The following KYAT3 variants were observed in gnomAD, a reference collection of about 807,000 sequenced individuals.
KYAT3 encodes kynurenine--oxoglutarate transaminase 3.
A neutral mutation model predicts 59.0 loss-of-function variants in KYAT3; 50 were observed. That is an observed-to-expected ratio of 0.85 (90% confidence interval 0.68 to 1.07). The LOEUF is 1.07. Among genes scored for constraint, KYAT3 ranks in the 50% least tolerant of loss-of-function variants. KYAT3 has a pLI of 0.00. For synonymous variants in KYAT3, 148 were observed against 177.0 expected, an observed-to-expected ratio of 0.84 and a Z score of 1.30; for missense variants, 497 against 533.3, an observed-to-expected ratio of 0.93 and a Z score of 0.67.
intron 10 of KYAT3, among the ~76,000 whole-genome samples, chr1:88,950,888 C>A (rs754859519): frequency 1.3e-4 from 20 of 152,300 alleles, no homozygotes; most frequent in Middle Eastern, 3.4e-3. Context: ...GACATGCATG[C>A]CCCAGCTCCA....
At chr1:88,934,532 T>C (rs971425520), downstream of KYAT3, among the ~76,000 whole-genome samples, 3 of 152,140 alleles carry the variant, frequency 2.0e-5, no homozygotes, top group Admixed American at 6.5e-5. Context: ...TTATGTCTAG[T>C]TCGTGTCAGT....
At chr1:88,970,004 T>C (rs910552733) in intron 2 of KYAT3, among the ~76,000 whole-genome samples, 1 of 152,136 alleles carries the variant, frequency 6.6e-6, no homozygotes, top group African/African-American at 2.4e-5. Flanking sequence ...TCTTCTCACC[T>C]AAGGACAAAA....
intron 2 of KYAT3, chr1:88,979,436 GA>G (rs1346816321): frequency 6.6e-6 from 1 of 152,134 alleles, no homozygotes; most frequent in East Asian, 1.9e-4. Context: ...TATAATGAAA[GA>G]AAAGTATTTA....
chr1:88,923,625 T>C, the KYAT3 span: 1 of 157,570 alleles, frequency 6.3e-6, no homozygotes, highest in African/African-American at 2.4e-5. Context: ...TGATTTCACC[T>C]TTCTGTGTAA....
rs751759534 is a variant in KYAT3 at position 88,969,475 on chromosome 1, A to G, written c.100-8T>C. 1.3e-6 allele frequency: 2 copies of G among 1,529,276 alleles called. No individual in the cohort carries two copies. Among genetic ancestry groups the G allele is most frequent in the African/African-American group, 1.4e-5 (1 of 72,944 alleles). 94.7% of individuals were successfully genotyped at this position (1,529,276 alleles called of 1,614,324 possible). Reference sequence around the variant, plus strand: ...GAATTTCAGTGACATTTTCTGAAATATATAAATATTGAAAAGGAATTGCCT... The same window carrying G: ...GAATTTCAGTGACATTTTCTGAAATGTATAAATATTGAAAAGGAATTGCCT... On this transcript the variant is annotated splice_region_variant and splice_polypyrimidine_tract_variant and intron_variant, in intron 2 of 13. Transcript: ENST00000260508.
intron 2 of KYAT3, among the ~76,000 whole-genome samples, chr1:88,987,407 C>T (rs1350362335): frequency 6.6e-6 from 1 of 152,066 alleles, no homozygotes; most frequent in Non-Finnish European, 1.5e-5. Context: ...ATATAGAAGA[C>T]ACTGATGATG....
chr1:88,936,824 C>T (rs753165159), intron 13 of KYAT3, among the ~76,000 whole-genome samples: 1 of 152,210 alleles, frequency 6.6e-6, no homozygotes, highest in Non-Finnish European at 1.5e-5. Context: ...TTCTGTTGTT[C>T]ATCTTCTGTT....
chr1:88,992,550 A>AGAGCC (rs1364729210), intron 1 of KYAT3, 35 bp downstream of exon 1: 11 of 152,600 alleles, frequency 7.2e-5, no homozygotes, highest in African/African-American at 2.7e-4. Context: ...TCCGCACGGA[A>AGAGCC]GCGCCGCGCC....
chr1:88,935,205 G>A (rs144659086), downstream of KYAT3, among the ~76,000 whole-genome samples: 933 of 150,350 alleles, frequency 6.2e-3, 10 homozygotes, highest in South Asian at 0.039. Flanking sequence ...GCTTCACCAT[G>A]TTGGCCAGCC....
chr1:88,944,427 T>G (rs1446331840), intron 11 of KYAT3, among the ~76,000 whole-genome samples: 3 of 152,218 alleles, frequency 2.0e-5, no homozygotes, highest in African/African-American at 7.2e-5. Flanking sequence ...CATTCTCCCC[T>G]GTGTTTTAAG....
intron 2 of KYAT3, chr1:88,982,857 G>T: frequency 6.2e-7 from 1 of 1,613,884 alleles, no homozygotes; most frequent in Non-Finnish European, 8.5e-7. Flanking sequence ...TAACTGTCTC[G>T]ACTTCCACCA....
Position 88,948,789 on chromosome 1 carries a change from TATA to T in KYAT3, c.1141+299_1141+301del, listed in dbSNP as rs895214037. On this transcript the variant is annotated intron_variant, in intron 11 of 13. Transcript: ENST00000260508. ...ATTTTACTCAAATGAACACTGAGTA[TATA>T]ATATTATTTCACACACTTGTGTTTT... Among the ~76,000 whole-genome samples, 7 of 152,346 alleles carry T rather than the reference TATA, an allele frequency of 4.6e-5. No homozygotes were observed. The East Asian group carries it at 9.6e-4, about 21-fold the overall frequency.
chr1:88,939,223 G>A (rs554101149), intron 13 of KYAT3, among the ~76,000 whole-genome samples: 6 of 152,186 alleles, frequency 3.9e-5, no homozygotes, highest in African/African-American at 1.4e-4. Flanking sequence ...ATATTATAAA[G>A]TGCTATTTTT....
At chr1:88,954,919 G>A (rs1162197500) in intron 9 of KYAT3, among the ~76,000 whole-genome samples, 1 of 152,072 alleles carries the variant, frequency 6.6e-6, no homozygotes, top group Non-Finnish European at 1.5e-5. Context: ...GCACCACCCT[G>A]CCTGGCTAAT....
At chr1:88,927,662 C>T in the KYAT3 span, among the ~76,000 whole-genome samples, 1 of 152,032 alleles carries the variant, frequency 6.6e-6, no homozygotes, top group South Asian at 2.1e-4. Context: ...CCGATTATGC[C>T]CCCTCCAAGC....
At chr1:88,954,957 G>A (rs575075813) in intron 9 of KYAT3, among the ~76,000 whole-genome samples, 192 bp downstream of exon 9, 1 of 152,100 alleles carries the variant, frequency 6.6e-6, no homozygotes, top group Admixed American at 6.5e-5. Flanking sequence ...GTAGAGACAG[G>A]GTCTCACCAT....
chr1:88,962,990 T>TC (rs1449084323), intron 5 of KYAT3, among the ~76,000 whole-genome samples: 91 of 146,268 alleles, frequency 6.2e-4, no homozygotes, highest in African/African-American at 2.3e-3. Flanking sequence ...CTCTCTCTCT[T>TC]TTTTTTTTTT....
chr1:88,990,248 CTTTG>C (rs2101105180), intron 1 of KYAT3, among the ~76,000 whole-genome samples: 2 of 120,388 alleles, frequency 1.7e-5, no homozygotes, highest in East Asian at 5.2e-4. Context: ...GCATATTCAA[CTTTG>C]TTTGTCTCTC....
chr1:88,960,123 C>T (rs28633936), intron 8 of KYAT3, among the ~76,000 whole-genome samples: 69,269 of 149,690 alleles, frequency 0.46, 16,113 homozygotes, highest in Admixed American at 0.5. Context: ...TGTGTAGAGA[C>T]GGGGTTTCTC....
Sources: allele counts gnomAD v4.1 joint callset (sites outside exome capture counted in the v4.1 genomes callset), GRCh38; gene constraint gnomAD v4.1.1; transcripts MANE v1.5; gene names NCBI Gene and HGNC (gene_info 2026-07-23, HGNC 2026-07-21).